Variants in PPIG observed in about 807,000 individuals in gnomAD.
PPIG encodes the protein peptidyl-prolyl cis-trans isomerase G.
In PPIG, 26 loss-of-function variants were observed where a neutral mutation model predicts 87.9. The observed-to-expected ratio is 0.30, with a 90% CI of 0.22 to 0.41. PPIG has a LOEUF of 0.41. Among genes scored for constraint, PPIG ranks in the 10% least tolerant of loss-of-function variants. The pLI, the probability that PPIG is intolerant of heterozygous loss-of-function variation, is 1.00. For missense variants in PPIG, 722 were observed against 879.4 expected (o/e 0.82, Z 2.26); for synonymous variants, 308 against 276.5 (o/e 1.11, Z -1.13).
In PPIG at chr2:169,638,413, T is replaced by C. The variant is rs1355730527; in HGVS notation, c.*890T>C. ...CCTTAAGCTATACAGATTCTAAAAATTGTTAGTATTGAGACATTAACTTCT... is the reference window on the plus strand; with the variant it reads ...CCTTAAGCTATACAGATTCTAAAAACTGTTAGTATTGAGACATTAACTTCT... On this transcript the variant is annotated 3_prime_UTR_variant, in exon 14 of 14. Transcript: ENST00000260970. 3.3e-5 allele frequency: 5 copies of C among 151,950 alleles called. No individual in the cohort carries two copies. Among genetic ancestry groups the C allele is most frequent in the African/African-American group, 1.2e-4 (5 of 41,390 alleles). The allele number at this position is 151,950 out of a possible 1,614,324, so 9.4% of individuals were successfully genotyped here. A position where few individuals can be genotyped will look rare whatever the true frequency, so the allele number is the denominator to read the frequency against.
intron 1 of PPIG, among the ~76,000 whole-genome samples, chr2:169,603,267 G>A (rs1476116266): frequency 3.3e-5 from 5 of 151,856 alleles, no homozygotes; most frequent in African/African-American, 1.2e-4. Context: ...CAAGTATTAC[G>A]ATTCAGCATT....
At chr2:169,616,083 G>A (rs1010629985) in intron 9 of PPIG, among the ~76,000 whole-genome samples, 1 of 152,152 alleles carries the variant, frequency 6.6e-6, no homozygotes, top group Non-Finnish European at 1.5e-5. Context: ...CCACTTTTGA[G>A]TGAGAACATG....
chr2:169,611,710 C>T (rs1558893101), intron 7 of PPIG, among the ~76,000 whole-genome samples: 1 of 152,052 alleles, frequency 6.6e-6, no homozygotes, highest in Non-Finnish European at 1.5e-5. Context: ...TAAATAAAAT[C>T]TTTCCTGCAC....
chr2:169,594,257 AAATT>A (rs1298223403), intron 1 of PPIG, among the ~76,000 whole-genome samples: 1 of 151,972 alleles, frequency 6.6e-6, no homozygotes, highest in Admixed American at 6.6e-5. Context: ...GTAGTAGTAT[AAATT>A]CCTGTTTCCA....
chr2:169,611,883 A>T (rs7570175), intron 7 of PPIG, among the ~76,000 whole-genome samples: 5,181 of 152,190 alleles, frequency 0.034, 288 homozygotes, highest in African/African-American at 0.12. Context: ...AGAGAGCTTC[A>T]GTCTTAAAAA....
chr2:169,587,712 G>A (rs1478051524), intron 1 of PPIG, among the ~76,000 whole-genome samples: 1 of 152,130 alleles, frequency 6.6e-6, no homozygotes, highest in African/African-American at 2.4e-5. Flanking sequence ...GAAAACTGCT[G>A]TTATTGGGAG....
intron 1 of PPIG, chr2:169,584,821 C>T: frequency 3.4e-6 from 1 of 296,556 alleles, no homozygotes; most frequent in South Asian, 2.7e-5. Context: ...AACATGGCGG[C>T]AGCGACTGCG....
intron 1 of PPIG, among the ~76,000 whole-genome samples, chr2:169,586,433 T>G (rs1684707140): frequency 6.6e-6 from 1 of 152,234 alleles, no homozygotes; most frequent in Admixed American, 6.5e-5. Flanking sequence ...ACTGTGGGCT[T>G]GAAAATTAAA....
At chr2:169,629,021 G>C (rs759314623) in intron 9 of PPIG, among the ~76,000 whole-genome samples, 1 of 150,878 alleles carries the variant, frequency 6.6e-6, no homozygotes, top group Non-Finnish European at 1.5e-5. Flanking sequence ...TGAGGCTAAG[G>C]TGGGGCTAAA....
rs1322370830 is a variant in PPIG, at chr2:169,637,292, G to A, written c.2034G>A (p.Arg678=). The stretch of plus-strand genomic sequence containing the variant: ...ATCATAATAGCTCAAATAACAGCAG[G>A]GAAAAAAAGGCTGATAGAGATCAAA... ...SRDHNSSNNS[R]EKKADRDQSP... The change falls in exon 14 of 14, where the codon AGG becomes AGA. Residue 678 remains arginine (R), a synonymous_variant. Coordinates refer to ENST00000260970, the MANE Select transcript of PPIG (RefSeq NM_004792.3). 1.9e-6 allele frequency: 3 copies of A among 1,603,766 alleles called. No individual in the cohort carries two copies. Among genetic ancestry groups the A allele is most frequent in the Admixed American group, 1.7e-5 (1 of 57,650 alleles).
intron 9 of PPIG, among the ~76,000 whole-genome samples, chr2:169,629,443 A>G (rs1277732379): frequency 6.6e-6 from 1 of 152,244 alleles, no homozygotes; most frequent in Non-Finnish European, 1.5e-5. Flanking sequence ...GTGTGAATCA[A>G]TCCAAATGAA....
rs761775363 is a variant in PPIG at position 169,638,371 on chromosome 2, A to G, written c.*848A>G. 3 of 152,048 alleles carry G rather than the reference A, an allele frequency of 2.0e-5. No individual in the cohort carries two copies. In the South Asian group the frequency reaches 6.2e-4, roughly 32 times the overall value. 9.4% of individuals were successfully genotyped at this position (152,048 alleles called of 1,614,324 possible). A position where few individuals can be genotyped will look rare whatever the true frequency, so the allele number is the denominator to read the frequency against. On this transcript the variant is annotated 3_prime_UTR_variant, in exon 14 of 14. Transcript: ENST00000260970. The stretch of plus-strand genomic sequence containing the variant: ...AAAAAAAAGCTTTTCTCATTAAAAC[A>G]TACCATTTGTGCAGGTCCTTAAGCT...
chr2:169,617,056 G>A (rs544197927), intron 9 of PPIG, among the ~76,000 whole-genome samples: 17 of 152,146 alleles, frequency 1.1e-4, no homozygotes, highest in African/African-American at 4.1e-4. Flanking sequence ...TAAGGAAGGG[G>A]TCCAGTTTCA....
chr2:169,595,476 C>A (rs1287588269), intron 1 of PPIG, among the ~76,000 whole-genome samples: 3 of 152,048 alleles, frequency 2.0e-5, no homozygotes, highest in Non-Finnish European at 2.9e-5. Context: ...TCGTTAGTCA[C>A]CCCATTGTGC....
At chr2:169,598,357 C>T (rs1685079698) in intron 1 of PPIG, among the ~76,000 whole-genome samples, 5 of 152,060 alleles carry the variant, frequency 3.3e-5, no homozygotes, top group Non-Finnish European at 5.9e-5. Context: ...GTGGCGCGAT[C>T]TTGGCCCACT....
At chr2:169,584,733 G>C (rs1684650048) in intron 1 of PPIG, 1 of 311,670 alleles carries the variant, frequency 3.2e-6, no homozygotes, top group Non-Finnish European at 6.2e-6. Flanking sequence ...CCTGGGGACG[G>C]TCCTTCCTCT....
chr2:169,636,194 G>C lies in PPIG; in HGVS notation c.1120G>C (p.Val374Leu). 1 of 1,610,014 alleles carries C rather than the reference G, an allele frequency of 6.2e-7. No individual in the cohort carries two copies. The highest frequency in any genetic ancestry group is 8.5e-7 in the Non-Finnish European group (1 of 1,178,940). Residue 374 changes from valine (V) to leucine (L), a missense_variant, in exon 13 of 14, where the codon GTA (valine) becomes CTA (leucine). By Grantham distance (32) the Val-to-Leu change is conservative. Around this residue, in one of 4 missense-constraint regions of PPIG, gnomAD observed 476 missense variants for 483.1 expected, o/e 0.99. Coordinates refer to ENST00000260970, the MANE Select transcript of PPIG (RefSeq NM_004792.3). Reference protein sequence around the residue: ...QEMQRAQRMRVSSGERWIKGD... With the variant: ...QEMQRAQRMRLSSGERWIKGD... ...GATGCAGAGAGCTCAAAGAATGAGG[G>C]TATCAAGTGGTGAAAGATGGATCAA...
chr2:169,609,429 T>C (rs941871919), intron 7 of PPIG, among the ~76,000 whole-genome samples: 15 of 132,100 alleles, frequency 1.1e-4, no homozygotes, highest in Admixed American at 1.0e-3. Context: ...CAGGCTGGAC[T>C]CCAGGCTGGG....
At chr2:169,602,620 G>A (rs951802440) in intron 1 of PPIG, among the ~76,000 whole-genome samples, 1 of 152,120 alleles carries the variant, frequency 6.6e-6, no homozygotes, top group African/African-American at 2.4e-5. Context: ...CCCAAAATTA[G>A]CCTGTTTTTG....
Sources: allele counts gnomAD v4.1 joint callset (sites outside exome capture counted in the v4.1 genomes callset), GRCh38; gene constraint gnomAD v4.1.1; regional missense constraint gnomAD v4.1.1; transcripts MANE v1.5; gene names NCBI Gene and HGNC (gene_info 2026-07-23, HGNC 2026-07-21).